DRC10: variants seen among roughly 807,000 people sequenced by gnomAD.
DRC10 encodes the protein IQ domain-containing protein D.
chr12:113,202,239 T>C, the DRC10 span, among the ~76,000 whole-genome samples: 1 of 152,122 alleles, frequency 6.6e-6, no homozygotes, highest in South Asian at 2.1e-4. Context: ...GGTCCCCCTT[T>C]TCTTGTGGAG....
the DRC10 span, among the ~76,000 whole-genome samples, chr12:113,217,477 C>G: frequency 6.6e-6 from 1 of 152,230 alleles, no homozygotes; most frequent in African/African-American, 2.4e-5. Flanking sequence ...TCACTCCCCC[C>G]AAATTCCCAT....
At chr12:113,200,920 C>T in the DRC10 span, 1 of 777,822 alleles carries the variant, frequency 1.3e-6, no homozygotes, top group African/African-American at 1.8e-5. Flanking sequence ...GGGTGGGTCA[C>T]CTGAGGTCAG....
chr12:113,202,743 C>T, the DRC10 span, among the ~76,000 whole-genome samples: 1 of 152,150 alleles, frequency 6.6e-6, no homozygotes, highest in Non-Finnish European at 1.5e-5. Flanking sequence ...AGCAGAAGTC[C>T]CATGTTGGGG....
the DRC10 span, among the ~76,000 whole-genome samples, chr12:113,210,663 C>T: frequency 1.3e-5 from 2 of 149,954 alleles, no homozygotes; most frequent in Admixed American, 6.7e-5. Flanking sequence ...GCTCACCCCC[C>T]AACACCATGT....
chr12:113,213,486 C>T, the DRC10 span, among the ~76,000 whole-genome samples: 63 of 152,290 alleles, frequency 4.1e-4, no homozygotes, highest in African/African-American at 1.4e-3. Flanking sequence ...ATGCTATATA[C>T]GAATTAATTC....
the DRC10 span, chr12:113,208,004 T>C: frequency 1.2e-6 from 2 of 1,614,196 alleles, no homozygotes; most frequent in Non-Finnish European, 1.7e-6. Context: ...TCATCCAGGA[T>C]GGACATGATC....
chr12:113,208,272 G>A, the DRC10 span: 1 of 1,473,004 alleles, frequency 6.8e-7, no homozygotes, highest in Non-Finnish European at 8.9e-7. Context: ...GCAAAATGAA[G>A]AAGTAGGTGT....
the DRC10 span, chr12:113,207,514 T>C: frequency 3.2e-5 from 52 of 1,613,928 alleles, no homozygotes; most frequent in African/African-American, 6.4e-4. Flanking sequence ...ATTACTATTC[T>C]GTCTACTGAT....
the DRC10 span, among the ~76,000 whole-genome samples, chr12:113,220,479 C>G: frequency 6.6e-6 from 1 of 151,114 alleles, no homozygotes; most frequent in Non-Finnish European, 1.5e-5. Context: ...GCCTAGAACT[C>G]CTGACCTCAA....
At chr12:113,205,752 G>A in the DRC10 span, among the ~76,000 whole-genome samples, 4 of 148,804 alleles carry the variant, frequency 2.7e-5, no homozygotes, top group African/African-American at 5.0e-5. Context: ...AGCCGGGCGC[G>A]GTGGCGGGCG....
the DRC10 span, chr12:113,200,097 A>C: frequency 1.3e-5 from 4 of 300,854 alleles, no homozygotes; most frequent in African/African-American, 8.9e-5. Context: ...CTCTCTCACT[A>C]CCATCTCATG....
At chr12:113,200,856 C>T in the DRC10 span, 1 of 1,410,480 alleles carries the variant, frequency 7.1e-7, no homozygotes, top group Non-Finnish European at 9.5e-7. Flanking sequence ...CCTCCATGCC[C>T]AGCCGGGCAC....
the DRC10 span, among the ~76,000 whole-genome samples, chr12:113,198,751 T>C: frequency 2.7e-4 from 41 of 152,332 alleles, no homozygotes; most frequent in African/African-American, 9.6e-4. Context: ...TAAATGCCAC[T>C]GAATTGCTCA....
At chr12:113,211,528 C>T in the DRC10 span, among the ~76,000 whole-genome samples, 1 of 152,144 alleles carries the variant, frequency 6.6e-6, no homozygotes, top group Non-Finnish European at 1.5e-5. Context: ...CTTTGGGAGG[C>T]TGAGGCAGGA....
chr12:113,197,555 T>C, the DRC10 span: 5 of 1,533,176 alleles, frequency 3.3e-6, no homozygotes, highest in South Asian at 6.0e-5. Context: ...TTCTCACCCA[T>C]CTCTGTATCA....
chr12:113,216,985 A>G, the DRC10 span, among the ~76,000 whole-genome samples: 4 of 152,168 alleles, frequency 2.6e-5, no homozygotes, highest in South Asian at 8.3e-4. Context: ...GCTACCTGGT[A>G]GGCTGAGGCA....
At chr12:113,200,368 T>C in the DRC10 span, 9 of 690,534 alleles carry the variant, frequency 1.3e-5, no homozygotes, top group Non-Finnish European at 2.4e-5. Context: ...CCCAGGCCTG[T>C]GTGCTGCCCC....
chr12:113,207,063 A>G, the DRC10 span: 1 of 354,644 alleles, frequency 2.8e-6, no homozygotes, highest in Admixed American at 4.2e-5. Flanking sequence ...CTGTCTCAAA[A>G]AAATCAGTCA....
chr12:113,213,926 A>C, the DRC10 span, among the ~76,000 whole-genome samples: 1 of 152,172 alleles, frequency 6.6e-6, no homozygotes, highest in Non-Finnish European at 1.5e-5. Context: ...CCTGGGTGAC[A>C]CAGTGAGACT....
Sources: allele counts gnomAD v4.1 joint callset (sites outside exome capture counted in the v4.1 genomes callset), GRCh38; gene constraint gnomAD v4.1.1; transcripts MANE v1.5; gene names NCBI Gene and HGNC (gene_info 2026-07-23, HGNC 2026-07-21).